RIMS1: variants seen among roughly 807,000 people sequenced by gnomAD.
The protein encoded by RIMS1 is regulating synaptic membrane exocytosis 1, also known as regulating synaptic membrane exocytosis protein 1.
RIMS1 carries 83 observed loss-of-function variants against 214.1 expected under a neutral mutation model. The ratio of observed to expected loss-of-function variants is 0.39; its 90% CI spans 0.32 to 0.47. RIMS1 has a LOEUF of 0.47. RIMS1 is among the 20% of genes least tolerant of loss of function. The pLI is 0.99. For missense variants in RIMS1, 2,050 were observed against 2,161.8 expected (o/e 0.95, Z 1.03); for synonymous variants, 793 against 786.8 (o/e 1.01, Z -0.13).
Position 71,896,889 on chromosome 6 carries a change from G to A in RIMS1, c.164+9702G>A, listed in dbSNP as rs554387622. Among the ~76,000 whole-genome samples the A allele has an allele frequency of 1.7e-3, 256 of 152,046 alleles. 1 individual carries two copies. The highest frequency in any genetic ancestry group is 2.5e-3 in the Non-Finnish European group (170 of 67,972). On this transcript the variant is annotated intron_variant, in intron 1 of 33. Transcript: ENST00000521978. ...TATATGCAGTTCCTTGTGTATCTCC[G>A]TCAATGGCTCCAACCATGTATATGT...
chr6:72,248,231 T>C, intron 12 of RIMS1, 104 bp downstream of exon 12: 1 of 638,630 alleles, frequency 1.6e-6, no homozygotes, highest in East Asian at 2.6e-5. Flanking sequence ...AATAAATACA[T>C]AGTCATTTAA....
chr6:72,050,901 T>C (rs1419719000), intron 2 of RIMS1, among the ~76,000 whole-genome samples: 1 of 152,214 alleles, frequency 6.6e-6, no homozygotes, highest in East Asian at 1.9e-4. Context: ...TGCAGTCTGC[T>C]AGCACTCTTC....
chr6:72,197,798 A>G lies in RIMS1; in HGVS notation c.1678+14649A>G, dbSNP rs907301803. ...AAAGAGGCAACCATTAAACTTACCTATGAGGAAGCCCATACAGCCATGGGG... is the reference window on the plus strand; with the variant it reads ...AAAGAGGCAACCATTAAACTTACCTGTGAGGAAGCCCATACAGCCATGGGG... On this transcript the variant is annotated intron_variant, in intron 6 of 33. Coordinates refer to ENST00000521978, the MANE Select transcript of RIMS1 (RefSeq NM_014989.7). Among the ~76,000 whole-genome samples the G allele has an allele frequency of 4.6e-5, 7 of 152,084 alleles. No individual in the cohort carries two copies. In the South Asian group the frequency reaches 6.2e-4, roughly 13 times the overall value.
At chr6:72,108,066 T>C (rs1207980513) in intron 4 of RIMS1, among the ~76,000 whole-genome samples, 3 of 152,186 alleles carry the variant, frequency 2.0e-5, no homozygotes, top group African/African-American at 7.2e-5. Context: ...TTGCCCAGGC[T>C]CTAGTGCAGT....
intron 1 of RIMS1, among the ~76,000 whole-genome samples, chr6:71,944,417 G>A (rs1787145023): frequency 6.6e-6 from 1 of 152,158 alleles, no homozygotes. Flanking sequence ...GGACAAGCCG[G>A]CACTTGTCGG....
intron 32 of RIMS1, 98 bp from the exon 33 acceptor site, chr6:72,398,857 C>G: frequency 1.4e-6 from 1 of 711,290 alleles, no homozygotes; most frequent in Non-Finnish European, 2.3e-6. Flanking sequence ...GGGAAACTTT[C>G]AGTAAGCATC....
intron 28 of RIMS1, among the ~76,000 whole-genome samples, chr6:72,323,876 C>A (rs2096296844): frequency 6.6e-6 from 1 of 151,792 alleles, no homozygotes; most frequent in East Asian, 1.9e-4. Context: ...GCTGAAATTT[C>A]AGCACATATT....
At chr6:72,279,772 T>C (rs963649767) in intron 23 of RIMS1, among the ~76,000 whole-genome samples, 6 of 152,136 alleles carry the variant, frequency 3.9e-5, no homozygotes, top group Middle Eastern at 3.4e-3. Flanking sequence ...CATCAACTTA[T>C]TAAGGTCTAT....
chr6:72,330,876 A>G (rs1192322125), intron 28 of RIMS1, among the ~76,000 whole-genome samples: 2 of 151,714 alleles, frequency 1.3e-5, no homozygotes, highest in Non-Finnish European at 2.9e-5. Flanking sequence ...ATATTATAAT[A>G]TTATAGACTG....
intron 23 of RIMS1, among the ~76,000 whole-genome samples, chr6:72,279,668 G>A (rs2089006856): frequency 6.6e-6 from 1 of 151,998 alleles, no homozygotes; most frequent in African/African-American, 2.4e-5. Context: ...CTCGTGCCCA[G>A]GGATCTCTCA....
chr6:72,061,769 G>GT (rs1486512667), intron 2 of RIMS1, among the ~76,000 whole-genome samples: 5 of 151,966 alleles, frequency 3.3e-5, no homozygotes, highest in South Asian at 2.1e-4. Context: ...TCGAGTGAAA[G>GT]TTTTTTTTTA....
intron 19 of RIMS1, chr6:72,262,263 T>C (rs997041541): frequency 4.9e-6 from 4 of 823,990 alleles, no homozygotes; most frequent in Non-Finnish European, 2.9e-6. Context: ...TATATAATCT[T>C]ATACTTAAGA....
chr6:71,913,713 G>T (rs1777565109), intron 1 of RIMS1, among the ~76,000 whole-genome samples: 1 of 152,026 alleles, frequency 6.6e-6, no homozygotes, highest in Non-Finnish European at 1.5e-5. Flanking sequence ...TGTGGTTTCT[G>T]GTATGTAGGA....
chr6:72,198,799 T>C (rs1375408537), intron 6 of RIMS1, among the ~76,000 whole-genome samples: 1 of 151,912 alleles, frequency 6.6e-6, no homozygotes, highest in Non-Finnish European at 1.5e-5. Context: ...TATGTGTTAA[T>C]AAAAATATAC....
chr6:71,953,117 G>A (rs1244551234), intron 1 of RIMS1, among the ~76,000 whole-genome samples: 1 of 151,848 alleles, frequency 6.6e-6, no homozygotes, highest in Non-Finnish European at 1.5e-5. Context: ...CTCCCAAGGA[G>A]CTGGAATTAA....
rs1414369551 is a variant in RIMS1, at chr6:72,284,080, A to G, written c.3516A>G (p.Gln1172=). ...GAAAGTCTGAAAGATCTAGCATCCAAAAACAGACTAGGAAAGGCACTGCCT... is the reference window on the plus strand; with the variant it reads ...GAAAGTCTGAAAGATCTAGCATCCAGAAACAGACTAGGAAAGGCACTGCCT... ...HSRKSERSSI[Q]KQTRKGTASD... is the part of the protein sequence containing the mutation. Residue 1172 remains glutamine, a synonymous_variant, in exon 24 of 34, where the codon CAA becomes CAG. Coordinates refer to ENST00000521978, the MANE Select transcript of RIMS1 (RefSeq NM_014989.7). 2 of 1,613,106 alleles carry G rather than the reference A, an allele frequency of 1.2e-6. No individual in the cohort carries two copies. The highest frequency in any genetic ancestry group is 2.7e-5 in the African/African-American group (2 of 74,896).
intron 2 of RIMS1, among the ~76,000 whole-genome samples, chr6:72,047,794 T>G (rs956129496): frequency 1.3e-5 from 2 of 152,198 alleles, no homozygotes; most frequent in African/African-American, 2.4e-5. Flanking sequence ...CAGAAAGTCT[T>G]TGTTAATTCT....
intron 28 of RIMS1, chr6:72,316,785 A>T: frequency 1.4e-6 from 1 of 717,546 alleles, no homozygotes; most frequent in Non-Finnish European, 2.6e-6. Context: ...AGTTGACGGT[A>T]GACACTGGGG....
chr6:71,890,639 A>T (rs1228222112), intron 1 of RIMS1, among the ~76,000 whole-genome samples: 2 of 151,580 alleles, frequency 1.3e-5, no homozygotes, highest in Non-Finnish European at 1.5e-5. Context: ...GAGAAGAGAA[A>T]AAATGTAGAG....
Sources: gnomAD v4.1 joint callset for allele counts (sites outside exome capture counted in the v4.1 genomes callset) on GRCh38, gnomAD v4.1.1 for gene constraint, MANE v1.5 for transcripts, NCBI Gene and HGNC (gene_info 2026-07-23, HGNC 2026-07-21) for gene names.